The following APBA1 variants were observed in gnomAD, a reference collection of about 807,000 sequenced individuals.
APBA1 encodes amyloid beta precursor protein binding family A member 1.
In APBA1, 55 loss-of-function variants were observed where a neutral mutation model predicts 86.6. The observed-to-expected ratio is 0.64, with a 90% CI of 0.51 to 0.80. APBA1 has a LOEUF of 0.80. APBA1 is among the 30% of genes least tolerant of loss of function. The pLI is 0.00. For missense variants in APBA1, 1,090 were observed against 1,183.0 expected (o/e 0.92, Z 1.15); for synonymous variants, 511 against 493.9 (o/e 1.03, Z -0.46).
At chr9:69,639,597 T>G (rs545468327) in intron 1 of APBA1, among the ~76,000 whole-genome samples, 1 of 152,324 alleles carries the variant, frequency 6.6e-6, no homozygotes, top group East Asian at 1.9e-4. Context: ...TCAAATGTGC[T>G]TAAATTCACA....
rs150878090 is a variant in APBA1, at chr9:69,448,434, G to A, written c.2181+1150C>T. Among the ~76,000 whole-genome samples, 440 of 152,240 alleles carry A rather than the reference G, an allele frequency of 2.9e-3. 3 individuals carry two copies. Among genetic ancestry groups the A allele is most frequent in the African/African-American group, 9.9e-3 (411 of 41,544 alleles). On this transcript the variant is annotated intron_variant, in intron 10 of 12. Transcript: ENST00000265381. ...TAAGCAAGAGGTAGAATTTATTTAAGTATAAGATATAAGAAAAAGAAATTA... is the reference window on the plus strand; with the variant it reads ...TAAGCAAGAGGTAGAATTTATTTAAATATAAGATATAAGAAAAAGAAATTA...
chr9:69,649,315 C>A (rs946780406), intron 1 of APBA1, among the ~76,000 whole-genome samples: 1 of 152,146 alleles, frequency 6.6e-6, no homozygotes, highest in East Asian at 1.9e-4. Flanking sequence ...CCATTATTCT[C>A]AGAATAAAGA....
intron 1 of APBA1, among the ~76,000 whole-genome samples, chr9:69,528,854 T>G (rs903155957): frequency 2.6e-5 from 4 of 152,042 alleles, no homozygotes; most frequent in Non-Finnish European, 4.4e-5. Context: ...TAATTCACAC[T>G]GCCAAAGGAG....
At chr9:69,645,873 C>T (rs1433778209) in intron 1 of APBA1, among the ~76,000 whole-genome samples, 1 of 152,194 alleles carries the variant, frequency 6.6e-6, no homozygotes, top group Non-Finnish European at 1.5e-5. Flanking sequence ...CATTCAGACT[C>T]TCCAGTTCTC....
chr9:69,615,115 G>T (rs184345918), intron 1 of APBA1, among the ~76,000 whole-genome samples: 136 of 152,284 alleles, frequency 8.9e-4, no homozygotes, highest in South Asian at 2.3e-3. Context: ...TGGGAGAATT[G>T]CGTGAACCCA....
At chr9:69,668,608 T>C (rs1176120537) in intron 1 of APBA1, among the ~76,000 whole-genome samples, 4 of 152,234 alleles carry the variant, frequency 2.6e-5, no homozygotes, top group African/African-American at 9.6e-5. Flanking sequence ...AAATCTTCTA[T>C]AGTTCCCCAG....
intron 10 of APBA1, among the ~76,000 whole-genome samples, chr9:69,443,825 C>G (rs1286408224): frequency 1.3e-5 from 2 of 152,184 alleles, no homozygotes; most frequent in Non-Finnish European, 2.9e-5. Context: ...ATATACACAA[C>G]CAGAGAGGGT....
At chr9:69,502,443 A>C (rs1374075464) in intron 2 of APBA1, among the ~76,000 whole-genome samples, 2 of 151,920 alleles carry the variant, frequency 1.3e-5, no homozygotes, top group Non-Finnish European at 2.9e-5. Context: ...GAAATGAATC[A>C]TTTGTTCTTC....
chr9:69,570,938 G>C (rs1456120907), intron 1 of APBA1, among the ~76,000 whole-genome samples: 1 of 152,190 alleles, frequency 6.6e-6, no homozygotes, highest in Non-Finnish European at 1.5e-5. Flanking sequence ...AACAACGTCA[G>C]CCTAATAAGA....
chr9:69,454,586 GCA>G (rs1411612469), intron 8 of APBA1, among the ~76,000 whole-genome samples: 2 of 152,200 alleles, frequency 1.3e-5, no homozygotes, highest in Non-Finnish European at 2.9e-5. Context: ...TCTGGAGCCA[GCA>G]CACTCTGGCC....
chr9:69,569,779 C>G (rs1245470788), intron 1 of APBA1, among the ~76,000 whole-genome samples: 2 of 152,086 alleles, frequency 1.3e-5, no homozygotes, highest in Non-Finnish European at 2.9e-5. Context: ...AATTTCTTGC[C>G]TTCTTCTGCA....
At chr9:69,511,962 T>C (rs11139041) in intron 2 of APBA1, among the ~76,000 whole-genome samples, 83,007 of 150,834 alleles carry the variant, frequency 0.55, 24,203 homozygotes, top group Non-Finnish European at 0.64. Flanking sequence ...TTGGGAGATA[T>C]ACCTAATGCT....
Position 69,458,200 on chromosome 9 carries a change from G to A in APBA1, c.1483-12C>T. 1 of 1,606,702 alleles carries A rather than the reference G, an allele frequency of 6.2e-7. No individual in the cohort carries two copies. Among genetic ancestry groups the A allele is most frequent in the South Asian group, 1.1e-5 (1 of 89,248 alleles). ...AATTTCTGGGCCATCTGCTTAGCAT[G>A]GAACAAACAGAGACAGGAGAATAGT... is the stretch of plus-strand genomic sequence containing the variant. On this transcript the variant is annotated splice_polypyrimidine_tract_variant and intron_variant, in intron 5 of 12. Coordinates refer to ENST00000265381, the MANE Select transcript of APBA1 (RefSeq NM_001163.4).
At chr9:69,482,982 G>C (rs561998456) in intron 2 of APBA1, among the ~76,000 whole-genome samples, 1 of 106,672 alleles carries the variant, frequency 9.4e-6, no homozygotes, top group East Asian at 3.5e-4. Flanking sequence ...GGTGGGGGGA[G>C]GGGGGAGGGA....
At chr9:69,496,274 C>T (rs1835793578) in intron 2 of APBA1, among the ~76,000 whole-genome samples, 1 of 152,096 alleles carries the variant, frequency 6.6e-6, no homozygotes, top group Non-Finnish European at 1.5e-5. Context: ...ATGAAAAGCG[C>T]TCATCTGAAT....
intron 1 of APBA1, among the ~76,000 whole-genome samples, chr9:69,592,823 A>T (rs997461885): frequency 1.3e-5 from 2 of 152,182 alleles, no homozygotes; most frequent in African/African-American, 4.8e-5. Flanking sequence ...ACAAACAAAA[A>T]AAGAAGTAGT....
chr9:69,624,781 C>T (rs1240460864), intron 1 of APBA1, among the ~76,000 whole-genome samples: 1 of 152,166 alleles, frequency 6.6e-6, no homozygotes, highest in African/African-American at 2.4e-5. Flanking sequence ...CAAGTTCTCA[C>T]AAATGCAGAG....
At chr9:69,447,125 T>G (rs1169300991) in intron 10 of APBA1, among the ~76,000 whole-genome samples, 4 of 152,156 alleles carry the variant, frequency 2.6e-5, no homozygotes, top group Non-Finnish European at 5.9e-5. Flanking sequence ...GGGTCCCTTT[T>G]TTAAGGGCAC....
At chr9:69,570,253 G>A (rs1837094969) in intron 1 of APBA1, among the ~76,000 whole-genome samples, 1 of 152,224 alleles carries the variant, frequency 6.6e-6, no homozygotes, top group Non-Finnish European at 1.5e-5. Flanking sequence ...ATGCATGAGA[G>A]TGAGACACAA....
Sources: gnomAD v4.1 joint callset for allele counts (sites outside exome capture counted in the v4.1 genomes callset) on GRCh38, gnomAD v4.1.1 for gene constraint, MANE v1.5 for transcripts, NCBI Gene and HGNC (gene_info 2026-07-23, HGNC 2026-07-21) for gene names.